The following RUNX2 variants were observed in gnomAD, a reference collection of about 807,000 sequenced individuals.
RUNX2 encodes the protein runt-related transcription factor 2.
A neutral mutation model predicts 51.7 loss-of-function variants in RUNX2; 10 were observed. The ratio of observed to expected loss-of-function variants is 0.19; its 90% CI spans 0.12 to 0.33. RUNX2 has a LOEUF of 0.33. Ranked by LOEUF, RUNX2 falls within the 10% of genes least tolerant of loss-of-function variation. The pLI, the probability that RUNX2 is intolerant of heterozygous loss-of-function variation, is 1.00. For synonymous variants in RUNX2, 276 were observed against 273.6 expected, an observed-to-expected ratio of 1.01 and a Z score of -0.09; for missense variants, 562 against 691.3, an observed-to-expected ratio of 0.81 and a Z score of 2.10.
Position 45,525,068 on chromosome 6 carries a change from G to A in RUNX2, c.1021+12661G>A, listed in dbSNP as rs188744479. ...GGAGGTTGCAGTGAGCCAAGATTGC[G>A]TAATTGCACTCCAGCCTGGGTGACA... On this transcript the variant is annotated intron_variant, in intron 7 of 8. Coordinates refer to ENST00000647337, the MANE Select transcript of RUNX2 (RefSeq NM_001024630.4). Among the ~76,000 whole-genome samples, 31 of 152,290 alleles carry A rather than the reference G, an allele frequency of 2.0e-4. No homozygotes were observed. The South Asian group carries it at 4.8e-3, about 23-fold the overall frequency.
intron 7 of RUNX2, among the ~76,000 whole-genome samples, chr6:45,523,744 C>T (rs1158328792): frequency 6.6e-6 from 1 of 151,644 alleles, no homozygotes; most frequent in Non-Finnish European, 1.5e-5. Context: ...ACCATCCTGG[C>T]CAACATGGTA....
chr6:45,509,323 T>C (rs1801072862), intron 6 of RUNX2, among the ~76,000 whole-genome samples: 1 of 152,246 alleles, frequency 6.6e-6, no homozygotes, highest in Non-Finnish European at 1.5e-5. Flanking sequence ...GTATTCATTA[T>C]ATAGATAGCT....
At chr6:45,530,140 C>G (rs1466814289) in intron 7 of RUNX2, among the ~76,000 whole-genome samples, 1 of 152,216 alleles carries the variant, frequency 6.6e-6, no homozygotes, top group Non-Finnish European at 1.5e-5. Flanking sequence ...TGCCTTCCTC[C>G]TGCACTTTAC....
At chr6:45,397,034 T>C (rs980139313) in intron 2 of RUNX2, among the ~76,000 whole-genome samples, 1 of 152,168 alleles carries the variant, frequency 6.6e-6, no homozygotes, top group Non-Finnish European at 1.5e-5. Flanking sequence ...ATGTAGTATA[T>C]ATGTTTTTAT....
intron 7 of RUNX2, among the ~76,000 whole-genome samples, chr6:45,544,658 C>A (rs1802338611): frequency 6.6e-6 from 1 of 152,154 alleles, no homozygotes; most frequent in Non-Finnish European, 1.5e-5. Context: ...CTTATATGAT[C>A]TAAATATTGA....
At chr6:45,331,126 T>TGTGCGC (rs1554347257) in intron 2 of RUNX2, among the ~76,000 whole-genome samples, 2 of 132,822 alleles carry the variant, frequency 1.5e-5, no homozygotes, top group African/African-American at 5.4e-5. Flanking sequence ...TGTGTGTGTG[T>TGTGCGC]GCGCGCGCGC....
intron 8 of RUNX2, 57 bp downstream of exon 8, chr6:45,545,339 G>T (rs1041845022): frequency 2.0e-6 from 3 of 1,520,486 alleles, no homozygotes; most frequent in Non-Finnish European, 1.8e-6. Flanking sequence ...GGGCTGTCTG[G>T]TTGTTACTGT....
rs74936560 is a variant in RUNX2 at position 45,437,278 on chromosome 6, C to T, written c.581-669C>T. ...CATGTTCATTTAGCAAAAAGTAAGT[C>T]GCTGTCAGGGGGTTATTTCAAGATT... On this transcript the variant is annotated intron_variant, in intron 4 of 8. Transcript: ENST00000647337. 5.3e-5 allele frequency among the ~76,000 whole-genome samples: 8 copies of T among 152,142 alleles called. No individual in the cohort carries two copies. The East Asian group carries it at 1.4e-3, about 26-fold the overall frequency.
Position 45,547,134 on chromosome 6 carries a change from T to C in RUNX2, c.1395T>C (p.Ser465=). Residue 465 remains serine (S), a synonymous_variant, in exon 9 of 9, where the codon TCT becomes TCC. Coordinates refer to ENST00000647337, the MANE Select transcript of RUNX2 (RefSeq NM_001024630.4). ...QFPMVPGGDR[S]PSRMLPPCTT... ...CCATGGTGCCGGGGGGAGACCGGTC[T>C]CCTTCCAGAATGCTTCCGCCATGCA... 6.2e-7 allele frequency: 1 copy of C among 1,614,032 alleles called. No homozygotes were observed. The highest frequency in any genetic ancestry group is 1.1e-5 in the South Asian group (1 of 91,070).
At chr6:45,524,939 C>G (rs1934330) in intron 7 of RUNX2, among the ~76,000 whole-genome samples, 1 of 152,122 alleles carries the variant, frequency 6.6e-6, no homozygotes, top group Non-Finnish European at 1.5e-5. Context: ...GGTGAAACCT[C>G]GTATCTACTA....
intron 3 of RUNX2, among the ~76,000 whole-genome samples, chr6:45,428,220 T>C (rs973106512): frequency 6.6e-6 from 1 of 152,200 alleles, no homozygotes; most frequent in Non-Finnish European, 1.5e-5. Flanking sequence ...TGCTTGGTTT[T>C]GGTACAGATG....
intron 2 of RUNX2, among the ~76,000 whole-genome samples, chr6:45,415,220 A>G (rs142550324): frequency 6.6e-6 from 1 of 152,368 alleles, no homozygotes; most frequent in African/African-American, 2.4e-5. Context: ...TTTAATGTGA[A>G]GAATTATTGA....
chr6:45,374,753 T>G (rs761257574), intron 2 of RUNX2, among the ~76,000 whole-genome samples: 2 of 152,166 alleles, frequency 1.3e-5, no homozygotes, highest in Non-Finnish European at 2.9e-5. Context: ...AAAGATGATT[T>G]TCTTCCAGAG....
intron 3 of RUNX2, among the ~76,000 whole-genome samples, chr6:45,431,451 A>G (rs1025311160): frequency 2.0e-5 from 3 of 152,166 alleles, no homozygotes; most frequent in African/African-American, 7.2e-5. Context: ...TTAGCCTGTG[A>G]TGGGATAAGA....
At chr6:45,498,023 C>T (rs1800696610) in intron 6 of RUNX2, among the ~76,000 whole-genome samples, 1 of 152,080 alleles carries the variant, frequency 6.6e-6, no homozygotes, top group Non-Finnish European at 1.5e-5. Flanking sequence ...AGGAGGCATT[C>T]TTATGGAAAC....
Position 45,422,622 on chromosome 6 carries a change from C to G in RUNX2, c.88C>G (p.Pro30Ala), listed in dbSNP as rs990671181. 1.7e-5 allele frequency: 27 copies of G among 1,607,148 alleles called. No homozygotes were observed. Among genetic ancestry groups the G allele is most frequent in the Non-Finnish European group, 2.1e-5 (25 of 1,177,610 alleles). Residue 30 changes from proline to alanine, a missense_variant, in exon 3 of 9, where the codon CCC becomes GCC. By Grantham distance (27) the Pro-to-Ala change is conservative. Around this residue, in one of 5 missense-constraint regions of RUNX2, gnomAD observed 153 missense variants for 144.8 expected, o/e 1.06. Coordinates refer to ENST00000647337, the MANE Select transcript of RUNX2 (RefSeq NM_001024630.4). ...GAGCACCAGCCGGCGCTTCAGCCCC[C>G]CCTCCAGCAGCCTGCAGCCCGGCAA... is the stretch of plus-strand genomic sequence containing the variant. ...DPSTSRRFSPPSSSLQPGKMS... is the reference protein window; with the variant it reads ...DPSTSRRFSPASSSLQPGKMS...
chr6:45,463,076 C>T (rs1050879278), intron 5 of RUNX2, among the ~76,000 whole-genome samples: 3 of 152,182 alleles, frequency 2.0e-5, no homozygotes, highest in Admixed American at 6.5e-5. Context: ...AGGAGCACAT[C>T]GCAGGCAGTT....
intron 2 of RUNX2, among the ~76,000 whole-genome samples, chr6:45,412,821 T>C (rs11962735): frequency 0.086 from 13,168 of 152,284 alleles, 720 homozygotes; most frequent in Middle Eastern, 0.15. Flanking sequence ...CTCGGCTTAC[T>C]GCAACCTCCG....
chr6:45,354,500 T>A (rs1330841212), intron 2 of RUNX2, among the ~76,000 whole-genome samples: 1 of 152,022 alleles, frequency 6.6e-6, no homozygotes, highest in Non-Finnish European at 1.5e-5. Flanking sequence ...TGTGTGAGGA[T>A]CTCATTACTT....
Sources: allele counts gnomAD v4.1 joint callset (sites outside exome capture counted in the v4.1 genomes callset), GRCh38; gene constraint gnomAD v4.1.1; regional missense constraint gnomAD v4.1.1; transcripts MANE v1.5; gene names NCBI Gene and HGNC (gene_info 2026-07-23, HGNC 2026-07-21).